The following UVRAG variants were observed in gnomAD, a reference collection of about 807,000 sequenced individuals.
The protein encoded by UVRAG is UV radiation resistance associated, also known as UV radiation resistance-associated gene protein.
A neutral mutation model predicts 78.0 loss-of-function variants in UVRAG; 19 were observed. The ratio of observed to expected loss-of-function variants is 0.24; its 90% CI spans 0.17 to 0.36. The LOEUF (loss-of-function observed/expected upper bound fraction) is 0.36. UVRAG is among the 10% of genes least tolerant of loss of function. UVRAG has a pLI of 1.00. For synonymous variants in UVRAG, 323 were observed against 324.6 expected (o/e 1.00, Z 0.05); for missense variants, 740 against 853.8 (o/e 0.87, Z 1.66).
intron 6 of UVRAG, among the ~76,000 whole-genome samples, chr11:75,933,047 C>G (rs926064632): frequency 6.6e-6 from 1 of 152,074 alleles, no homozygotes; most frequent in African/African-American, 2.4e-5. Context: ...CCAGAATAGC[C>G]AAAGCTATCC....
intron 6 of UVRAG, among the ~76,000 whole-genome samples, chr11:75,949,158 A>G (rs1286797039): frequency 6.6e-6 from 1 of 152,050 alleles, no homozygotes; most frequent in Non-Finnish European, 1.5e-5. Context: ...ATATGTAGAA[A>G]CTGTCTAGGC....
intron 12 of UVRAG, among the ~76,000 whole-genome samples, chr11:76,042,657 G>T (rs1242687056): frequency 6.6e-6 from 1 of 152,192 alleles, no homozygotes; most frequent in Non-Finnish European, 1.5e-5. Context: ...ATAGTTTTAT[G>T]CACTAAGACA....
At chr11:76,067,520 G>A (rs1951214688) in intron 13 of UVRAG, among the ~76,000 whole-genome samples, 1 of 152,154 alleles carries the variant, frequency 6.6e-6, no homozygotes, top group Non-Finnish European at 1.5e-5. Context: ...ACTTTGGGAG[G>A]CCGAGATGGG....
intron 4 of UVRAG, among the ~76,000 whole-genome samples, chr11:75,887,012 C>T (rs1947093343): frequency 6.6e-6 from 1 of 151,138 alleles, no homozygotes. Context: ...GTCGCCCAGG[C>T]TGGAGTGCAG....
At chr11:75,886,457 T>C (rs12418141) in intron 4 of UVRAG, among the ~76,000 whole-genome samples, 2,630 of 152,332 alleles carry the variant, frequency 0.017, 119 homozygotes, top group Admixed American at 0.11. Flanking sequence ...AATCTTTTTT[T>C]CCCCAGGTAT....
In UVRAG at chr11:75,851,985, G is replaced by A; in HGVS notation, c.220G>A (p.Glu74Lys). ...CTTTACACTTCACTTGTGTAGTACT[G>A]AAAAGATATATAAAGGTAAGGGGAT... ...TYFTLHLCST[E>K]KIYKEFYRSE... is the part of the protein sequence containing the mutation. Residue 74 changes from glutamate to lysine, a missense_variant, in exon 2 of 15, where the codon GAA (glutamate) becomes AAA (lysine). By Grantham distance (56) the Glu-to-Lys change is moderately conservative. Coordinates refer to ENST00000356136, the MANE Select transcript of UVRAG (RefSeq NM_003369.4). The A allele has an allele frequency of 6.2e-7, 1 of 1,604,188 alleles. No homozygotes were observed. Among genetic ancestry groups the A allele is most frequent in the Non-Finnish European group, 8.5e-7 (1 of 1,174,396 alleles).
chr11:75,936,956 A>G (rs113022406), intron 6 of UVRAG, among the ~76,000 whole-genome samples: 13,578 of 152,144 alleles, frequency 0.089, 1,054 homozygotes, highest in African/African-American at 0.21. Context: ...GGGTCTTGCT[A>G]TGTTGCCCAG....
At chr11:76,122,986 A>T (rs561880111) in intron 14 of UVRAG, among the ~76,000 whole-genome samples, 1 of 152,186 alleles carries the variant, frequency 6.6e-6, no homozygotes, top group Non-Finnish European at 1.5e-5. Flanking sequence ...AAAAACTGAG[A>T]CTCAGTGTGC....
At chr11:75,970,046 GATTTATGTCATAAAAA>G (rs1200015315) in intron 7 of UVRAG, among the ~76,000 whole-genome samples, 1 of 152,198 alleles carries the variant, frequency 6.6e-6, no homozygotes, top group Non-Finnish European at 1.5e-5. Flanking sequence ...GTTTGCTTAA[GATTTATGTCATAAAAA>G]ATGATGAAAA....
chr11:76,100,389 A>AGCATCTATTTTTTTTTATTTTT, intron 13 of UVRAG, among the ~76,000 whole-genome samples: 1 of 152,112 alleles, frequency 6.6e-6, no homozygotes, highest in African/African-American at 2.4e-5. Context: ...GTAGATACAC[A>AGCATCTATTTTTTTTTATTTTT]AAAATGTTTA....
intron 12 of UVRAG, among the ~76,000 whole-genome samples, chr11:76,035,682 C>T (rs1299824850): frequency 1.3e-5 from 2 of 152,106 alleles, no homozygotes; most frequent in Non-Finnish European, 2.9e-5. Context: ...AGAACAGTAA[C>T]AACAATTAAA....
intron 7 of UVRAG, among the ~76,000 whole-genome samples, chr11:75,971,847 G>A (rs772275855): frequency 6.6e-5 from 10 of 152,002 alleles, no homozygotes; most frequent in Non-Finnish European, 1.5e-4. Context: ...CACCATGCCC[G>A]GCTAGATGTT....
rs527352015 is a variant in UVRAG, at chr11:75,830,924, A to C, written c.117+15400A>C. Among the ~76,000 whole-genome samples, 7 of 152,348 alleles carry C rather than the reference A, an allele frequency of 4.6e-5. No individual in the cohort carries two copies. In the South Asian group the frequency reaches 1.2e-3, roughly 27 times the overall value. On this transcript the variant is annotated intron_variant, in intron 1 of 14. Coordinates refer to ENST00000356136, the MANE Select transcript of UVRAG (RefSeq NM_003369.4). ...ACTGCTTGTGTTCAAATCCTGGTCC[A>C]GCTATTTTCTACGTGCCTAAACTAA...
intron 8 of UVRAG, among the ~76,000 whole-genome samples, chr11:76,000,560 A>T (rs148546583): frequency 1.7e-3 from 256 of 152,170 alleles, no homozygotes; most frequent in Admixed American, 2.9e-3. Flanking sequence ...GTAAGCTGAG[A>T]TTACACCATT....
In UVRAG at chr11:75,984,214, C is replaced by T. The variant is rs1261343775; in HGVS notation, c.826+701C>T. Among the ~76,000 whole-genome samples the T allele has an allele frequency of 2.0e-5, 3 of 152,138 alleles. No individual in the cohort carries two copies. The South Asian group carries it at 6.2e-4, about 32-fold the overall frequency. On this transcript the variant is annotated intron_variant, in intron 8 of 14. Transcript: ENST00000356136. ...TAGGCAGTGACAGTGAGCTGCAGCT[C>T]TCAGTCAGCCACATGATCATGAGGG... is the stretch of plus-strand genomic sequence containing the variant.
chr11:75,932,920 C>G (rs533472884), intron 6 of UVRAG, among the ~76,000 whole-genome samples: 29 of 152,246 alleles, frequency 1.9e-4, no homozygotes, highest in Middle Eastern at 3.4e-3. Flanking sequence ...GTTGAAATGT[C>G]TGTTCTACCC....
At chr11:75,976,212 G>A (rs1410232364) in intron 7 of UVRAG, among the ~76,000 whole-genome samples, 1 of 152,190 alleles carries the variant, frequency 6.6e-6, no homozygotes, top group Non-Finnish European at 1.5e-5. Context: ...TCCCAGGGAT[G>A]AAGCCCACTT....
intron 12 of UVRAG, among the ~76,000 whole-genome samples, chr11:76,042,648 T>G (rs568743830): frequency 4.6e-5 from 7 of 152,334 alleles, no homozygotes; most frequent in African/African-American, 1.7e-4. Context: ...CTGCTGGGAA[T>G]AGTTTTATGC....
intron 14 of UVRAG, among the ~76,000 whole-genome samples, chr11:76,133,685 A>C (rs1039867167): frequency 2.0e-5 from 3 of 152,216 alleles, no homozygotes; most frequent in Admixed American, 6.5e-5. Context: ...AAATTCATGC[A>C]GAACAAGGAT....
Sources: gnomAD v4.1 joint callset for allele counts (sites outside exome capture counted in the v4.1 genomes callset) on GRCh38, gnomAD v4.1.1 for gene constraint, MANE v1.5 for transcripts, NCBI Gene and HGNC (gene_info 2026-07-23, HGNC 2026-07-21) for gene names.